Variants in ADCY9 observed in about 807,000 individuals in gnomAD.
ADCY9 encodes adenylate cyclase type 9.
Under a neutral mutation model 101.5 loss-of-function variants are expected in ADCY9, and 50 were observed. That is an observed-to-expected ratio of 0.49 (90% confidence interval 0.39 to 0.62). ADCY9 has a LOEUF of 0.62. Among genes scored for constraint, ADCY9 ranks in the 20% least tolerant of loss-of-function variants. ADCY9 has a pLI of 0.00. For synonymous variants in ADCY9, 905 were observed against 769.3 expected (o/e 1.18, Z -2.92); for missense variants, 1,662 against 1,800.4 (o/e 0.92, Z 1.39).
Position 3,964,117 on chromosome 16 carries a change from C to T in ADCY9, c.*1658G>A, listed in dbSNP as rs2531994. 151,238 of 152,342 alleles carry T rather than the reference C, an allele frequency of 0.99. 75,078 individuals carry two copies. The highest frequency in any genetic ancestry group is 1 in the East Asian group (5,146 of 5,146). The allele number at this position is 152,342 out of a possible 1,614,324, so 9.4% of individuals were successfully genotyped here. ...GCCGGGGAGGGCAATCTGTATGTCT[C>T]TGGGGAGGAGTAGTGATGATGGGGA... On this transcript the variant is annotated 3_prime_UTR_variant, in exon 11 of 11. Coordinates refer to ENST00000294016, the MANE Select transcript of ADCY9 (RefSeq NM_001116.4).
At chr16:4,064,663 G>C (rs866736060) in intron 2 of ADCY9, among the ~76,000 whole-genome samples, 1 of 151,948 alleles carries the variant, frequency 6.6e-6, no homozygotes, top group Non-Finnish European at 1.5e-5. Flanking sequence ...TTTGTTTATA[G>C]AGACAGGGTC....
chr16:4,058,119 A>G (rs1321778237), intron 2 of ADCY9, among the ~76,000 whole-genome samples: 4 of 149,918 alleles, frequency 2.7e-5, no homozygotes, highest in Non-Finnish European at 5.9e-5. Context: ...AGATCATGCC[A>G]CTGCACTCCA....
chr16:4,074,798 C>G (rs1465690562), intron 2 of ADCY9, among the ~76,000 whole-genome samples: 4 of 150,812 alleles, frequency 2.7e-5, no homozygotes, highest in Non-Finnish European at 5.9e-5. Flanking sequence ...GAAAAAAAAG[C>G]AGTTCGGTAT....
intron 6 of ADCY9, 112 bp downstream of exon 6, chr16:3,988,882 A>G (rs1009151101): frequency 1.2e-5 from 10 of 814,040 alleles, no homozygotes; most frequent in South Asian, 3.0e-5. Context: ...TGGGAAATCA[A>G]TGTTCGCCTT....
chr16:3,967,696 C>A (rs1380419203), intron 10 of ADCY9, among the ~76,000 whole-genome samples: 1 of 129,580 alleles, frequency 7.7e-6, no homozygotes. Context: ...GGCCTAACAT[C>A]TTTTTTTTTT....
intron 2 of ADCY9, among the ~76,000 whole-genome samples, chr16:4,078,558 A>T: frequency 7.6e-6 from 1 of 131,692 alleles, no homozygotes. Context: ...CTGTCTCAAA[A>T]AAAGAAAAAA....
At chr16:3,980,648 C>T (rs1464727189) in intron 7 of ADCY9, among the ~76,000 whole-genome samples, 2 of 152,234 alleles carry the variant, frequency 1.3e-5, no homozygotes, top group African/African-American at 2.4e-5. Flanking sequence ...ACTCTCCAGC[C>T]ATTCCCCACA....
chr16:4,021,317 G>C (rs2056475073), intron 2 of ADCY9, among the ~76,000 whole-genome samples: 1 of 152,222 alleles, frequency 6.6e-6, no homozygotes. Flanking sequence ...GCCGGCAGCA[G>C]GTGTTTCAGG....
At chr16:3,956,018 G>A (rs1033615112) in intron 5 of ADCY9, among the ~76,000 whole-genome samples, 4 of 151,938 alleles carry the variant, frequency 2.6e-5, no homozygotes, top group South Asian at 2.1e-4. Context: ...GTACACCACC[G>A]TGCCTGGCTA....
At position 4,115,604 on chromosome 16, in the gene ADCY9, T is replaced by A; in HGVS notation, c.-44+86A>T. On this transcript the variant is annotated intron_variant, in intron 1 of 10. Coordinates refer to ENST00000294016, the MANE Select transcript of ADCY9 (RefSeq NM_001116.4). This position sits in a 1 kb window ranked among gnomAD's most constrained non-coding sequence, Gnocchi z 6.2. ...GCACGCGACCTGGACAGGCACCATC[T>A]GTTCCTGTGGTTCCCGGCTCAGCGG... The A allele has an allele frequency of 1.2e-6, 1 of 843,268 alleles. No individual in the cohort carries two copies. Among genetic ancestry groups the A allele is most frequent in the East Asian group, 2.7e-5 (1 of 37,066 alleles). 52.2% of individuals were successfully genotyped at this position (843,268 alleles called of 1,614,324 possible). A position where few individuals can be genotyped will look rare whatever the true frequency, so the allele number is the denominator to read the frequency against.
intron 2 of ADCY9, among the ~76,000 whole-genome samples, chr16:4,076,949 C>T (rs986967842): frequency 2.6e-5 from 4 of 151,990 alleles, no homozygotes; most frequent in African/African-American, 9.7e-5. Context: ...TGGTGGCAGG[C>T]ACCTGTAATC....
chr16:4,051,631 G>A (rs1009068403), intron 2 of ADCY9, among the ~76,000 whole-genome samples: 1 of 152,114 alleles, frequency 6.6e-6, no homozygotes, highest in Non-Finnish European at 1.5e-5. Flanking sequence ...GCCAAATCTG[G>A]GACAATCTGG....
chr16:4,024,315 C>T (rs1428239204), intron 2 of ADCY9, among the ~76,000 whole-genome samples: 1 of 152,128 alleles, frequency 6.6e-6, no homozygotes, highest in East Asian at 1.9e-4. Context: ...GCCACTGCAC[C>T]CATCCAATTT....
At chr16:4,095,576 A>C (rs904212730) in intron 2 of ADCY9, among the ~76,000 whole-genome samples, 7 of 152,176 alleles carry the variant, frequency 4.6e-5, no homozygotes, top group Non-Finnish European at 8.8e-5. Flanking sequence ...ATCTCTCTCT[A>C]AAATAATGTT....
chr16:4,020,964 T>A (rs1309189422), intron 2 of ADCY9, among the ~76,000 whole-genome samples: 1 of 152,224 alleles, frequency 6.6e-6, no homozygotes, highest in Admixed American at 6.5e-5. Context: ...GATGAGATAC[T>A]GGTTCACAAC....
chr16:4,115,559 T>C lies in ADCY9; in HGVS notation c.-43-74A>G. 1.5e-6 allele frequency: 2 copies of C among 1,294,054 alleles called. No homozygotes were observed. Among genetic ancestry groups the C allele is most frequent in the African/African-American group, 1.5e-5 (1 of 66,950 alleles). 80.2% of individuals were successfully genotyped at this position (1,294,054 alleles called of 1,614,324 possible). The stretch of plus-strand genomic sequence containing the variant: ...CGCCTAGAGGCCCGGGACCTGCTCC[T>C]GTCCTAAGGGGCGGCTCCAGCACGC... On this transcript the variant is annotated intron_variant, in intron 1 of 10. Coordinates refer to ENST00000294016, the MANE Select transcript of ADCY9 (RefSeq NM_001116.4). The surrounding 1 kb of genome is among the most constrained non-coding windows in gnomAD (Gnocchi z 6.2).
Position 3,966,899 on chromosome 16 carries a change from G to T in ADCY9, c.2938C>A (p.Gln980Lys). Residue 980 changes from glutamine (Q) to lysine (K), a missense_variant, in exon 11 of 11, where the codon CAG becomes AAG. Gln to Lys is a moderately conservative substitution (Grantham distance 53). Transcript: ENST00000294016. ...DLRRPASLIG[Q>K]EVVLVFFLLL... ...AGAAAGAAGACGAGAACCACCTCCT[G>T]GCCGATGAGGCTGGCGGGCCGCCGG... is the stretch of plus-strand genomic sequence containing the variant. The T allele has an allele frequency of 6.2e-7, 1 of 1,614,076 alleles. No homozygotes were observed. Among genetic ancestry groups the T allele is most frequent in the South Asian group, 1.1e-5 (1 of 91,086 alleles).
intron 2 of ADCY9, among the ~76,000 whole-genome samples, chr16:4,032,633 C>T (rs1429682689): frequency 6.6e-6 from 1 of 151,598 alleles, no homozygotes; most frequent in Admixed American, 6.6e-5. Context: ...CCTCAGCCTC[C>T]CATGTAGCTG....
intron 7 of ADCY9, chr16:3,981,962 T>A (rs2056147298): frequency 6.6e-6 from 1 of 152,254 alleles, no homozygotes; most frequent in African/African-American, 2.4e-5. Flanking sequence ...GATGTCTGGT[T>A]TGGGTTCTGG....
Sources: gnomAD v4.1 joint callset for allele counts (sites outside exome capture counted in the v4.1 genomes callset) on GRCh38, gnomAD v4.1.1 for gene constraint, Gnocchi (gnomAD v3.1) non-coding constraint, MANE v1.5 for transcripts, NCBI Gene and HGNC (gene_info 2026-07-23, HGNC 2026-07-21) for gene names.